Variants in GPHN observed in about 807,000 individuals in gnomAD.
The protein encoded by GPHN is gephyrin.
In GPHN, 17 loss-of-function variants were observed where a neutral mutation model predicts 95.5. The observed-to-expected ratio is 0.18, with a 90% CI of 0.12 to 0.27. The LOEUF (loss-of-function observed/expected upper bound fraction) is 0.27. Ranked by LOEUF, GPHN falls within the 10% of genes least tolerant of loss-of-function variation. GPHN has a pLI of 1.00. For synonymous variants in GPHN, 320 were observed against 322.5 expected (o/e 0.99, Z 0.08); for missense variants, 660 against 978.1 (o/e 0.67, Z 4.34).
At chr14:67,199,017 A>G in the GPHN span, 1 of 712,184 alleles carries the variant, frequency 1.4e-6, no homozygotes, top group East Asian at 2.7e-5. Flanking sequence ...GGAGGACAAC[A>G]GACACTTCAA....
the GPHN span, among the ~76,000 whole-genome samples, chr14:67,197,632 G>T: frequency 6.6e-6 from 1 of 152,172 alleles, no homozygotes; most frequent in Non-Finnish European, 1.5e-5. Flanking sequence ...CTAAGCCTCA[G>T]TTATGGGTGA....
At chr14:67,600,040 A>T in the GPHN span, 107 of 1,573,616 alleles carry the variant, frequency 6.8e-5, 1 homozygote, top group East Asian at 2.4e-3. Context: ...GAGGGTGAAG[A>T]GTCCGTAGGC....
At chr14:67,045,358 C>CTCTCTGTCTCTTTTTCTCTA (rs2074952303) in intron 10 of GPHN, among the ~76,000 whole-genome samples, 2 of 152,132 alleles carry the variant, frequency 1.3e-5, no homozygotes, top group Non-Finnish European at 2.9e-5. Flanking sequence ...GCCTAAGACG[C>CTCTCTGTCTCTTTTTCTCTA]TCTCTGTCTC....
chr14:67,692,541 G>T, the GPHN span: 1 of 1,611,038 alleles, frequency 6.2e-7, no homozygotes, highest in Non-Finnish European at 8.5e-7. Context: ...GGATCTCTTT[G>T]GCCACCAATT....
intron 8 of GPHN, among the ~76,000 whole-genome samples, chr14:66,960,281 C>CT (rs199570344): frequency 0.3 from 42,672 of 142,462 alleles, 10,320 homozygotes; most frequent in African/African-American, 0.66. Context: ...TTTTTCTTTT[C>CT]TTTTTTTTTT....
At chr14:67,198,395 TAGG>T in the GPHN span, 2 of 1,398,356 alleles carry the variant, frequency 1.4e-6, no homozygotes, top group South Asian at 1.3e-5. Context: ...AAAAGGATGG[TAGG>T]AGAATTGTTT....
At chr14:67,439,342 T>C in the GPHN span, among the ~76,000 whole-genome samples, 1 of 152,308 alleles carries the variant, frequency 6.6e-6, no homozygotes, top group African/African-American at 2.4e-5. Context: ...ATGTGTCCTC[T>C]AGAAGGAAGA....
rs371658241 is a variant in GPHN at position 67,083,229 on chromosome 14, GC to G, written c.1145-5744del. ...ACTGATTGATAGTATTTGGATCTAT[GC>G]CCCCCCCCCTCCAAATCTCACGTTG... On this transcript the variant is annotated intron_variant, in intron 11 of 22. Coordinates refer to ENST00000478722, the MANE Select transcript of GPHN (RefSeq NM_020806.5). 2.7e-3 allele frequency among the ~76,000 whole-genome samples: 395 copies of G among 147,940 alleles called. 4 individuals are homozygous for G. Among genetic ancestry groups the G allele is most frequent in the South Asian group, 0.026 (119 of 4,586 alleles).
At chr14:66,893,709 TACACCAATAACAGACAAACAGAGAGCCAA>T (rs1478079394) in intron 5 of GPHN, among the ~76,000 whole-genome samples, 9 of 152,074 alleles carry the variant, frequency 5.9e-5, no homozygotes, top group Non-Finnish European at 8.8e-5. Context: ...AGCATTCTTA[TACACCAATAACAGACAAACAGAGAGCCAA>T]ATCATGAGTG....
chr14:67,315,926 A>G, the GPHN span, among the ~76,000 whole-genome samples: 2 of 152,266 alleles, frequency 1.3e-5, no homozygotes, highest in Non-Finnish European at 2.9e-5. Context: ...CTTCGTCTCA[A>G]AAGATAACCA....
intron 5 of GPHN, among the ~76,000 whole-genome samples, chr14:66,890,410 CAAAAAA>C (rs781415190): frequency 1.2e-5 from 1 of 80,020 alleles, no homozygotes. Context: ...GACCCTGTCT[CAAAAAA>C]AAAAAAAAAA....
the GPHN span, chr14:67,594,004 A>G: frequency 8.1e-7 from 1 of 1,240,354 alleles, no homozygotes; most frequent in Non-Finnish European, 1.2e-6. Context: ...GTACCAGTCA[A>G]CTCCAGGCAA....
At chr14:67,302,232 G>A in the GPHN span, 3 of 1,258,848 alleles carry the variant, frequency 2.4e-6, no homozygotes, top group Non-Finnish European at 3.2e-6. Flanking sequence ...AGCAGAAAGT[G>A]TGGGGGAAAT....
intron 8 of GPHN, among the ~76,000 whole-genome samples, chr14:66,926,581 G>C (rs1425391145): frequency 3.9e-5 from 6 of 152,076 alleles, no homozygotes; most frequent in Admixed American, 2.6e-4. Context: ...TTTGTTTCTA[G>C]GTTCTCTATT....
intron 5 of GPHN, among the ~76,000 whole-genome samples, chr14:66,884,730 T>C (rs990225601): frequency 1.3e-5 from 2 of 151,810 alleles, no homozygotes; most frequent in Admixed American, 6.6e-5. Flanking sequence ...TACTTAGTTT[T>C]ATAGGGATAT....
At chr14:67,383,398 AGAT>A in the GPHN span, 1 of 1,613,662 alleles carries the variant, frequency 6.2e-7, no homozygotes, top group Non-Finnish European at 8.5e-7. Context: ...AAGTGGATGG[AGAT>A]GATGATGCAG....
chr14:67,635,448 CA>C, the GPHN span, among the ~76,000 whole-genome samples: 2 of 152,220 alleles, frequency 1.3e-5, no homozygotes, highest in African/African-American at 4.8e-5. Context: ...TGGCATCCCC[CA>C]TTCCCCACCC....
chr14:67,694,968 G>A, the GPHN span, among the ~76,000 whole-genome samples: 1 of 152,090 alleles, frequency 6.6e-6, no homozygotes, highest in African/African-American at 2.4e-5. Context: ...GGCCAGCCTT[G>A]GGCTGATTGA....
chr14:67,040,746 G>A (rs1361998870), intron 10 of GPHN, among the ~76,000 whole-genome samples: 1 of 151,998 alleles, frequency 6.6e-6, no homozygotes, highest in African/African-American at 2.4e-5. Flanking sequence ...TTTCTTAATG[G>A]TTTAATTCTT....
Sources: allele counts gnomAD v4.1 joint callset (sites outside exome capture counted in the v4.1 genomes callset), GRCh38; gene constraint gnomAD v4.1.1; transcripts MANE v1.5; gene names NCBI Gene and HGNC (gene_info 2026-07-23, HGNC 2026-07-21).